The following MPHOSPH9 variants were observed in gnomAD, a reference collection of about 807,000 sequenced individuals.
MPHOSPH9 encodes M-phase phosphoprotein 9.
MPHOSPH9 carries 88 observed loss-of-function variants against 145.5 expected under a neutral mutation model. The observed-to-expected ratio is 0.60, with a 90% CI of 0.51 to 0.72. The LOEUF (loss-of-function observed/expected upper bound fraction) is 0.72. MPHOSPH9 is among the 30% of genes least tolerant of loss of function. The probability of loss-of-function intolerance (pLI) is 0.00; values close to 1 mark genes in which losing one functional copy is unlikely to be tolerated. For missense variants in MPHOSPH9, 1,238 were observed against 1,386.6 expected, an observed-to-expected ratio of 0.89 and a Z score of 1.70; for synonymous variants, 435 against 486.2, an observed-to-expected ratio of 0.89 and a Z score of 1.39.
chr12:123,203,108 T>C (rs1193136928), intron 9 of MPHOSPH9, 24 bp from the exon 10 acceptor site: 2 of 1,600,980 alleles, frequency 1.2e-6, no homozygotes, highest in Non-Finnish European at 1.7e-6. Context: ...AACAACGAAG[T>C]CTTACCCTCA....
chr12:123,168,276 G>A (rs960987505), intron 16 of MPHOSPH9, among the ~76,000 whole-genome samples: 3 of 151,970 alleles, frequency 2.0e-5, no homozygotes, highest in African/African-American at 4.8e-5. Context: ...GCCACCAGCT[G>A]GGCAGACTCA....
upstream of MPHOSPH9, among the ~76,000 whole-genome samples, chr12:123,235,335 T>C (rs1245071573): frequency 6.6e-6 from 1 of 152,106 alleles, no homozygotes; most frequent in Non-Finnish European, 1.5e-5. Flanking sequence ...CAGGAAGGCC[T>C]TTTTGGGACA....
chr12:123,184,617 T>C lies in MPHOSPH9; in HGVS notation c.2242-3407A>G, dbSNP rs562061184. ...GGTTCACGCCATTCTCCTGCCTCAG[T>C]CCCCTGAGTAGCTGGGACTACAGGC... On this transcript the variant is annotated intron_variant, in intron 13 of 23. Coordinates refer to ENST00000606320, the MANE Select transcript of MPHOSPH9 (RefSeq NM_022782.4). Among the ~76,000 whole-genome samples the C allele has an allele frequency of 1.1e-4, 17 of 149,582 alleles. No individual in the cohort carries two copies. In the South Asian group the frequency reaches 2.8e-3, roughly 24 times the overall value.
At chr12:123,243,061 G>A (rs1330375706) in intron 1 of MPHOSPH9, among the ~76,000 whole-genome samples, 1 of 152,164 alleles carries the variant, frequency 6.6e-6, no homozygotes, top group Non-Finnish European at 1.5e-5. Context: ...AGAGAGTTCA[G>A]AGAAAGTGCC....
chr12:123,154,576 T>C lies in MPHOSPH9; in HGVS notation c.*2231A>G, dbSNP rs1593044064. ...TAACGCCTTTTTTGGAATAAGCCAA[T>C]ATAGGCTACTAAGAAGATAATTCCT... On this transcript the variant is annotated 3_prime_UTR_variant, in exon 24 of 24. Coordinates refer to ENST00000606320, the MANE Select transcript of MPHOSPH9 (RefSeq NM_022782.4). 1 of 152,322 alleles carries C rather than the reference T, an allele frequency of 6.6e-6. No homozygotes were observed. Among genetic ancestry groups the C allele is most frequent in the East Asian group, 1.9e-4 (1 of 5,188 alleles). 9.4% of individuals were successfully genotyped at this position (152,322 alleles called of 1,614,324 possible). A position where few individuals can be genotyped will look rare whatever the true frequency, so the allele number is the denominator to read the frequency against.
chr12:123,229,380 T>G (rs2047551275), intron 2 of MPHOSPH9, among the ~76,000 whole-genome samples: 1 of 152,228 alleles, frequency 6.6e-6, no homozygotes, highest in African/African-American at 2.4e-5. Context: ...CCATGATCTG[T>G]GTTAAGACCA....
chr12:123,163,252 T>C, intron 19 of MPHOSPH9, 118 bp from the exon 20 acceptor site: 2 of 1,136,398 alleles, frequency 1.8e-6, no homozygotes, highest in Admixed American at 3.6e-5. Flanking sequence ...CGTAAAACTT[T>C]GAGAGAGAAA....
chr12:123,190,464 C>A (rs1421954288), intron 13 of MPHOSPH9, among the ~76,000 whole-genome samples: 2 of 152,042 alleles, frequency 1.3e-5, no homozygotes, highest in African/African-American at 2.4e-5. Context: ...TATTTTATTT[C>A]TTAAAATAGG....
chr12:123,231,231 C>T (rs924225306), intron 1 of MPHOSPH9, among the ~76,000 whole-genome samples: 12 of 152,088 alleles, frequency 7.9e-5, no homozygotes, highest in African/African-American at 2.7e-4. Context: ...CTCAGCCTCC[C>T]GAGCAGCTGG....
intron 22 of MPHOSPH9, 112 bp downstream of exon 22, chr12:123,161,024 A>C: frequency 7.2e-7 from 1 of 1,395,190 alleles, no homozygotes; most frequent in South Asian, 1.4e-5. Flanking sequence ...CAGCTCTGGT[A>C]TGTTATCCCA....
chr12:123,155,888 C>T lies in MPHOSPH9; in HGVS notation c.*919G>A, dbSNP rs558942391. The T allele has an allele frequency of 1.3e-5, 2 of 152,370 alleles. 1 individual carries two copies. The highest frequency in any genetic ancestry group is 1.3e-4 in the Admixed American group (2 of 15,306). The allele number at this position is 152,370 out of a possible 1,614,324, so 9.4% of individuals were successfully genotyped here. On this transcript the variant is annotated 3_prime_UTR_variant, in exon 24 of 24. Coordinates refer to ENST00000606320, the MANE Select transcript of MPHOSPH9 (RefSeq NM_022782.4). ...AAGTCTAGTGTTCTTACAGCACCTA[C>T]AGTGGAAATATTTTCCTTTTGGCCA...
At chr12:123,237,925 TCA>T (rs536671345), upstream of MPHOSPH9, among the ~76,000 whole-genome samples, 293 of 151,356 alleles carry the variant, frequency 1.9e-3, no homozygotes, top group African/African-American at 6.8e-3. Flanking sequence ...AGACGGAGTC[TCA>T]CTCTGTCACC....
chr12:123,195,000 A>G (rs981052507), intron 12 of MPHOSPH9, among the ~76,000 whole-genome samples: 7 of 152,188 alleles, frequency 4.6e-5, no homozygotes, highest in Non-Finnish European at 1.0e-4. Context: ...TGAACAAAAC[A>G]TAGAAATGGA....
chr12:123,203,268 G>A lies in MPHOSPH9; in HGVS notation c.1302C>T (p.Asn434=), dbSNP rs1360664312. The part of the protein sequence containing the change: ...LPERNLTSAS[N]PNHPPEVLTL... Reference sequence around the variant, plus strand: ...ACTTTACCTCTGGTGGATGATTTGGGTTGGAAGCAGAAGTGAGATTCCTCT... The same window carrying A: ...ACTTTACCTCTGGTGGATGATTTGGATTGGAAGCAGAAGTGAGATTCCTCT... The change falls in exon 9 of 24, where the codon AAC becomes AAT. Residue 434 remains asparagine, a synonymous_variant. Transcript: ENST00000606320. The A allele has an allele frequency of 3.1e-5, 50 of 1,613,564 alleles. No individual in the cohort carries two copies. The highest frequency in any genetic ancestry group is 4.2e-5 in the Non-Finnish European group (49 of 1,179,918).
intron 19 of MPHOSPH9, 33 bp from the exon 20 acceptor site, chr12:123,163,167 T>C (rs1165943029): frequency 1.3e-6 from 2 of 1,547,054 alleles, no homozygotes; most frequent in South Asian, 1.2e-5. Context: ...AATATTCTTT[T>C]CCTTCTATAT....
intron 18 of MPHOSPH9, among the ~76,000 whole-genome samples, chr12:123,164,365 T>A (rs1162248237): frequency 6.6e-6 from 1 of 152,246 alleles, no homozygotes; most frequent in East Asian, 1.9e-4. Context: ...TCAAGGTGAT[T>A]TTCAAGAGGG....
intron 7 of MPHOSPH9, among the ~76,000 whole-genome samples, chr12:123,212,598 G>A (rs574632249): frequency 3.5e-4 from 53 of 151,258 alleles, no homozygotes; most frequent in Admixed American, 9.9e-4. Context: ...TCCCAGTTTG[G>A]GAAGCTGAAG....
chr12:123,229,821 ATT>A (rs370919298), intron 2 of MPHOSPH9, among the ~76,000 whole-genome samples: 11 of 135,774 alleles, frequency 8.1e-5, no homozygotes, highest in African/African-American at 2.7e-4. Context: ...GTCCCCGAAC[ATT>A]TTTTTTTTTT....
In MPHOSPH9 at chr12:123,202,867, G is replaced by T; in HGVS notation, c.1538C>A (p.Thr513Lys). 1 of 1,614,174 alleles carries T rather than the reference G, an allele frequency of 6.2e-7. No individual in the cohort carries two copies. The highest frequency in any genetic ancestry group is 8.5e-7 in the Non-Finnish European group (1 of 1,180,024). ...CCAAGAGTCCACCGGAGAAGCTTTT[G>T]TGTGTGAGGGATATTTTGGAAATCC... ...LPGFPKYPSHTKASPVDSWKN... is the reference protein window; with the variant it reads ...LPGFPKYPSHKKASPVDSWKN... Residue 513 changes from threonine to lysine, a missense_variant, in exon 10 of 24, where the codon ACA becomes AAA. Transcript: ENST00000606320.
Sources: gnomAD v4.1 joint callset for allele counts (sites outside exome capture counted in the v4.1 genomes callset) on GRCh38, gnomAD v4.1.1 for gene constraint, MANE v1.5 for transcripts, NCBI Gene and HGNC (gene_info 2026-07-23, HGNC 2026-07-21) for gene names.